The following TRPS1 variants were observed in gnomAD, a reference collection of about 807,000 sequenced individuals.
The protein encoded by TRPS1 is zinc finger transcription factor Trps1.
Under a neutral mutation model 101.2 loss-of-function variants are expected in TRPS1, and 6 were observed. The ratio of observed to expected loss-of-function variants is 0.06; its 90% CI spans 0.03 to 0.12. TRPS1 has a LOEUF of 0.12. Ranked by LOEUF, TRPS1 falls within the 10% of genes least tolerant of loss-of-function variation. The pLI is 1.00. For synonymous variants in TRPS1, 578 were observed against 589.8 expected (o/e 0.98, Z 0.29); for missense variants, 1,363 against 1,567.0 (o/e 0.87, Z 2.20).
chr8:115,514,177 G>A (rs1159683313), intron 5 of TRPS1, among the ~76,000 whole-genome samples: 1 of 151,674 alleles, frequency 6.6e-6, no homozygotes, highest in Non-Finnish European at 1.5e-5. Flanking sequence ...TCTCTTGTTT[G>A]ATTTATAAGA....
intron 5 of TRPS1, among the ~76,000 whole-genome samples, chr8:115,580,207 G>C (rs1817409689): frequency 7.4e-6 from 1 of 135,918 alleles, no homozygotes; most frequent in African/African-American, 2.8e-5. Context: ...GGAAAGTTTT[G>C]AACAGTATCT....
intron 5 of TRPS1, among the ~76,000 whole-genome samples, chr8:115,564,199 G>C (rs575846173): frequency 6.6e-6 from 1 of 152,092 alleles, no homozygotes; most frequent in South Asian, 2.1e-4. Flanking sequence ...CAATACTATG[G>C]GGTACATTAT....
chr8:115,533,349 T>A (rs141152433), intron 5 of TRPS1, among the ~76,000 whole-genome samples: 142 of 150,708 alleles, frequency 9.4e-4, no homozygotes, highest in African/African-American at 3.3e-3. Flanking sequence ...AAATCCTGTC[T>A]ACAATGCCAC....
intron 5 of TRPS1, among the ~76,000 whole-genome samples, chr8:115,448,597 T>C (rs1203279059): frequency 6.6e-6 from 1 of 152,172 alleles, no homozygotes; most frequent in Non-Finnish European, 1.5e-5. Context: ...GTGTCTCTAA[T>C]TCCGAGATAG....
rs962913121 is a variant in TRPS1 at position 115,515,230 on chromosome 8, G to A, written c.2700+71771C>T. The A allele has an allele frequency of 8.6e-6, 6 of 697,350 alleles. No individual in the cohort carries two copies. The Admixed American group carries it at 1.2e-4, about 14-fold the overall frequency. 43.2% of individuals were successfully genotyped at this position (697,350 alleles called of 1,614,324 possible). Reference sequence around the variant, plus strand: ...TCTTCATGGAAGCAATGGAGATCTGGTTTTCTCAAAGACTAAACTGCTCTT... The same window carrying A: ...TCTTCATGGAAGCAATGGAGATCTGATTTTCTCAAAGACTAAACTGCTCTT... On this transcript the variant is annotated intron_variant, in intron 5 of 6. Coordinates refer to ENST00000395715, the MANE Select transcript of TRPS1 (RefSeq NM_014112.5).
At chr8:115,475,507 A>C (rs1226389763) in intron 5 of TRPS1, among the ~76,000 whole-genome samples, 8 of 152,040 alleles carry the variant, frequency 5.3e-5, no homozygotes, top group Admixed American at 5.2e-4. Context: ...AAAAGAAAGC[A>C]GTTCAGTCTC....
intron 1 of TRPS1, among the ~76,000 whole-genome samples, chr8:115,659,984 A>G (rs1563676008): frequency 6.6e-6 from 1 of 152,032 alleles, no homozygotes. Context: ...TCCTGCATGT[A>G]CATGTACGCA....
intron 5 of TRPS1, among the ~76,000 whole-genome samples, chr8:115,492,928 T>C (rs1211284114): frequency 6.6e-6 from 1 of 152,150 alleles, no homozygotes; most frequent in Non-Finnish European, 1.5e-5. Flanking sequence ...TTGGCCAGGC[T>C]GGTTTTGAAC....
intron 5 of TRPS1, chr8:115,515,397 T>C (rs1319585369): frequency 1.7e-6 from 1 of 598,218 alleles, no homozygotes; most frequent in Admixed American, 2.8e-5. Flanking sequence ...TGCCATGAAA[T>C]ATAAATCAAA....
At chr8:115,504,962 A>G (rs1158248645) in intron 5 of TRPS1, among the ~76,000 whole-genome samples, 1 of 152,132 alleles carries the variant, frequency 6.6e-6, no homozygotes, top group African/African-American at 2.4e-5. Context: ...TGGCATTTTT[A>G]TAAGGCACAG....
chr8:115,572,605 G>T (rs1253944402), intron 5 of TRPS1, among the ~76,000 whole-genome samples: 1 of 152,040 alleles, frequency 6.6e-6, no homozygotes, highest in Non-Finnish European at 1.5e-5. Context: ...TGGTAATGCT[G>T]CTCCTATAAT....
chr8:115,654,663 C>T (rs1157787987), intron 1 of TRPS1, among the ~76,000 whole-genome samples: 3 of 152,108 alleles, frequency 2.0e-5, no homozygotes. Flanking sequence ...AAACTAGCTT[C>T]TTATTAGTGA....
In TRPS1 at chr8:115,475,266, TTATATATATATATA is replaced by T. The variant is rs33922102; in HGVS notation, c.2701-56828_2701-56815del. Among the ~76,000 whole-genome samples, 285 of 124,006 alleles carry T rather than the reference TTATATATATATATA, an allele frequency of 2.3e-3. 7 individuals carry two copies. Among genetic ancestry groups the T allele is most frequent in the African/African-American group, 9.1e-3 (263 of 28,932 alleles). 81.4% of individuals were successfully genotyped at this position (124,006 alleles called of 152,430 possible). A position where few individuals can be genotyped will look rare whatever the true frequency, so the allele number is the denominator to read the frequency against. On this transcript the variant is annotated intron_variant, in intron 5 of 6. Coordinates refer to ENST00000395715, the MANE Select transcript of TRPS1 (RefSeq NM_014112.5). ...TTTACTATATATTTTTGAATCACAG[TTATATATATATATA>T]TATATATATATATATATATATATAT... is the stretch of plus-strand genomic sequence containing the variant.
Position 115,409,265 on chromosome 8 carries a change from A to AAAAAAAAC in TRPS1, c.*4757_*4758insGTTTTTTT, listed in dbSNP as rs1292566428. Reference sequence around the variant, plus strand: ...ATGCTGCAGTTTATATGTTGGGAAAAAAAAAAAAAAAAAAAACAGGGGAAA... The same window carrying AAAAAAAAC: ...ATGCTGCAGTTTATATGTTGGGAAAAAAAAAAACAAAAAAAAAAAAAAAACAGGGGAAA... On this transcript the variant is annotated 3_prime_UTR_variant, in exon 7 of 7. Transcript: ENST00000395715. 6.7e-6 allele frequency: 1 copy of AAAAAAAAC among 148,424 alleles called. No individual in the cohort carries two copies. The highest frequency in any genetic ancestry group is 1.5e-5 in the Non-Finnish European group (1 of 67,076). The allele number at this position is 148,424 out of a possible 1,614,324, so 9.2% of individuals were successfully genotyped here.
intron 1 of TRPS1, among the ~76,000 whole-genome samples, chr8:115,627,354 T>G (rs1209209352): frequency 6.6e-6 from 1 of 151,740 alleles, no homozygotes; most frequent in African/African-American, 2.4e-5. Flanking sequence ...TTAAAATATC[T>G]GCAATGACAA....
intron 3 of TRPS1, among the ~76,000 whole-genome samples, chr8:115,611,484 T>C (rs916947962): frequency 6.6e-6 from 1 of 152,124 alleles, no homozygotes; most frequent in East Asian, 1.9e-4. Flanking sequence ...AGCTCACAAC[T>C]AAAAAGACAA....
intron 5 of TRPS1, among the ~76,000 whole-genome samples, chr8:115,542,585 T>C (rs1816479684): frequency 6.6e-6 from 1 of 152,052 alleles, no homozygotes; most frequent in Non-Finnish European, 1.5e-5. Flanking sequence ...GAAGGTCTAA[T>C]TTAGGGCTGT....
At chr8:115,566,861 A>G (rs3808451) in intron 5 of TRPS1, among the ~76,000 whole-genome samples, 44,236 of 152,066 alleles carry the variant, frequency 0.29, 7,582 homozygotes, top group Middle Eastern at 0.49. Flanking sequence ...CTGTGAAAGG[A>G]AAGAGATAAG....
At chr8:115,555,233 C>T (rs149857804) in intron 5 of TRPS1, among the ~76,000 whole-genome samples, 2 of 152,258 alleles carry the variant, frequency 1.3e-5, no homozygotes, top group Non-Finnish European at 2.9e-5. Flanking sequence ...GCTAACTTCG[C>T]TCTTAGAACA....
Sources: gnomAD v4.1 joint callset for allele counts (sites outside exome capture counted in the v4.1 genomes callset) on GRCh38, gnomAD v4.1.1 for gene constraint, MANE v1.5 for transcripts, NCBI Gene and HGNC (gene_info 2026-07-23, HGNC 2026-07-21) for gene names.